Variants in PPARGC1A observed in about 807,000 individuals in gnomAD.
The protein encoded by PPARGC1A is peroxisome proliferator-activated receptor gamma coactivator 1-alpha.
Under a neutral mutation model 88.7 loss-of-function variants are expected in PPARGC1A, and 25 were observed. The observed-to-expected ratio is 0.28, with a 90% CI of 0.21 to 0.39. The LOEUF (loss-of-function observed/expected upper bound fraction) is 0.39. Ranked by LOEUF, PPARGC1A falls within the 10% of genes least tolerant of loss-of-function variation. The pLI, the probability that PPARGC1A is intolerant of heterozygous loss-of-function variation, is 1.00. For synonymous variants in PPARGC1A, 363 were observed against 355.6 expected (o/e 1.02, Z -0.24); for missense variants, 880 against 968.7 (o/e 0.91, Z 1.22).
the PPARGC1A span, among the ~76,000 whole-genome samples, chr4:24,245,734 A>G: frequency 6.6e-6 from 1 of 152,214 alleles, no homozygotes; most frequent in East Asian, 1.9e-4. Flanking sequence ...CTGCTAGACA[A>G]TGGCAGAATG....
chr4:24,345,896 G>A, the PPARGC1A span, among the ~76,000 whole-genome samples: 1 of 152,164 alleles, frequency 6.6e-6, no homozygotes, highest in African/African-American at 2.4e-5. Flanking sequence ...TCCCCATTCA[G>A]TATTACGGTG....
chr4:24,308,374 A>G, the PPARGC1A span, among the ~76,000 whole-genome samples: 1 of 151,872 alleles, frequency 6.6e-6, no homozygotes, highest in Non-Finnish European at 1.5e-5. Context: ...TTAGAGGTAC[A>G]TTTGAATCAG....
At chr4:24,204,215 G>T in the PPARGC1A span, among the ~76,000 whole-genome samples, 1 of 152,122 alleles carries the variant, frequency 6.6e-6, no homozygotes, top group South Asian at 2.1e-4. Flanking sequence ...CCTACAAGGA[G>T]CCAAAAGGGG....
At chr4:24,331,609 T>A in the PPARGC1A span, among the ~76,000 whole-genome samples, 1 of 152,128 alleles carries the variant, frequency 6.6e-6, no homozygotes, top group Non-Finnish European at 1.5e-5. Context: ...GTTGATTGAA[T>A]CTTCACTTCA....
chr4:24,449,735 G>A, the PPARGC1A span, among the ~76,000 whole-genome samples: 1 of 152,134 alleles, frequency 6.6e-6, no homozygotes, highest in African/African-American at 2.4e-5. Context: ...AGAAATAATA[G>A]TCATCATGTG....
At chr4:24,091,677 G>A in the PPARGC1A span, 3 of 980,790 alleles carry the variant, frequency 3.1e-6, no homozygotes, top group Non-Finnish European at 3.6e-6. Context: ...GAGGGATCGG[G>A]CAGGAAGAAC....
the PPARGC1A span, among the ~76,000 whole-genome samples, chr4:24,160,233 G>C: frequency 1.4e-4 from 22 of 152,266 alleles, no homozygotes; most frequent in Admixed American, 1.1e-3. Flanking sequence ...TATTCATCGA[G>C]AACTTTCTAT....
At chr4:24,002,097 C>CACACACACACACAG in the PPARGC1A span, among the ~76,000 whole-genome samples, 13 of 125,384 alleles carry the variant, frequency 1.0e-4, no homozygotes, top group African/African-American at 3.3e-4. Flanking sequence ...CACACACACA[C>CACACACACACACAG]AGAGAGAGAG....
At chr4:23,844,286 AAGGCCATG>A (rs1405204219) in intron 2 of PPARGC1A, among the ~76,000 whole-genome samples, 2 of 139,750 alleles carry the variant, frequency 1.4e-5, no homozygotes, top group Non-Finnish European at 3.0e-5. Flanking sequence ...CTAATGACAC[AAGGCCATG>A]TGTACATGAC....
At chr4:24,441,721 AGAAAGGAG>A in the PPARGC1A span, among the ~76,000 whole-genome samples, 1 of 152,122 alleles carries the variant, frequency 6.6e-6, no homozygotes, top group Admixed American at 6.5e-5. Flanking sequence ...GAGGGAAGGA[AGAAAGGAG>A]GAAAGGAGGA....
At chr4:24,010,810 A>G in the PPARGC1A span, among the ~76,000 whole-genome samples, 1 of 152,182 alleles carries the variant, frequency 6.6e-6, no homozygotes, top group Non-Finnish European at 1.5e-5. Context: ...TATTTGCTTA[A>G]GAGGAACAGA....
chr4:24,211,281 A>G, the PPARGC1A span, among the ~76,000 whole-genome samples: 1 of 152,236 alleles, frequency 6.6e-6, no homozygotes, highest in East Asian at 1.9e-4. Context: ...ATATGCATTT[A>G]TAAGTTACAA....
the PPARGC1A span, among the ~76,000 whole-genome samples, chr4:24,350,972 G>A: frequency 2.7e-5 from 1 of 37,532 alleles, no homozygotes; most frequent in African/African-American, 8.6e-5. Flanking sequence ...TCTAGAAAAA[G>A]AACAATTTTT....
chr4:23,883,405 A>G (rs922621848), intron 2 of PPARGC1A: 1 of 152,238 alleles, frequency 6.6e-6, no homozygotes, highest in African/African-American at 2.4e-5. Context: ...TATATTGAGC[A>G]AAGAAGCAGC....
chr4:24,178,735 G>A, the PPARGC1A span, among the ~76,000 whole-genome samples: 1 of 152,162 alleles, frequency 6.6e-6, no homozygotes, highest in African/African-American at 2.4e-5. Context: ...TGAGTGCTGA[G>A]CTTTGTTGCG....
rs199754100 is a variant in PPARGC1A at position 23,889,898 on chromosome 4, G to C, written c.54+6C>G. On this transcript the variant is annotated splice_donor_region_variant and intron_variant, in intron 1 of 12. Coordinates refer to ENST00000264867, the MANE Select transcript of PPARGC1A (RefSeq NM_013261.5). ...GGCTGCAGCGCCGAGCCCTGCCCCA[G>C]CTCACCTCGATGTCACTCCATACAG... 110 of 1,613,230 alleles carry C rather than the reference G, an allele frequency of 6.8e-5. No individual in the cohort carries two copies. In the East Asian group the frequency reaches 2.4e-3, roughly 36 times the overall value.
At chr4:24,317,585 A>AAAAAAAAAAAAAAAAAAAAC in the PPARGC1A span, among the ~76,000 whole-genome samples, 1 of 137,202 alleles carries the variant, frequency 7.3e-6, no homozygotes, top group Non-Finnish European at 1.6e-5. Context: ...AAAAAAAAAA[A>AAAAAAAAAAAAAAAAAAAAC]AAAAAAAAAA....
the PPARGC1A span, among the ~76,000 whole-genome samples, chr4:24,342,871 A>G: frequency 6.6e-6 from 1 of 152,224 alleles, no homozygotes; most frequent in Admixed American, 6.5e-5. Context: ...GACTTCCTGA[A>G]GATAATTTTA....
upstream of PPARGC1A, among the ~76,000 whole-genome samples, chr4:23,893,077 A>T (rs1718086426): frequency 6.6e-6 from 1 of 152,110 alleles, no homozygotes; most frequent in Admixed American, 6.6e-5. Context: ...CAAAGCCTAC[A>T]TTCCATCCTG....
Sources: allele counts gnomAD v4.1 joint callset (sites outside exome capture counted in the v4.1 genomes callset), GRCh38; gene constraint gnomAD v4.1.1; transcripts MANE v1.5; gene names NCBI Gene and HGNC (gene_info 2026-07-23, HGNC 2026-07-21).